Variants in AGPAT3 observed in about 807,000 individuals in gnomAD.
AGPAT3 encodes 1-acyl-sn-glycerol-3-phosphate acyltransferase gamma.
In AGPAT3, 5 loss-of-function variants were observed where a neutral mutation model predicts 47.3. The ratio of observed to expected loss-of-function variants is 0.11; its 90% CI spans 0.06 to 0.22. The LOEUF is 0.22. AGPAT3 is among the 10% of genes least tolerant of loss of function. The probability of loss-of-function intolerance (pLI) is 1.00; values close to 1 mark genes in which losing one functional copy is unlikely to be tolerated. For synonymous variants in AGPAT3, 212 were observed against 208.3 expected (o/e 1.02, Z -0.15); for missense variants, 315 against 493.0 (o/e 0.64, Z 3.42).
intron 8 of AGPAT3, among the ~76,000 whole-genome samples, 173 bp downstream of exon 8, chr21:43,978,294 T>A (rs2089698878): frequency 7.2e-6 from 1 of 139,518 alleles, no homozygotes; most frequent in South Asian, 2.4e-4. Flanking sequence ...TTTGTTTTGT[T>A]TTTGTTTTTG....
At chr21:43,926,520 C>T (rs1029114573) in intron 2 of AGPAT3, among the ~76,000 whole-genome samples, 1 of 151,900 alleles carries the variant, frequency 6.6e-6, no homozygotes, top group Non-Finnish European at 1.5e-5. Context: ...AGGGGCCACG[C>T]GTGCACGAGA....
At chr21:43,961,037 G>A (rs2088807793) in intron 3 of AGPAT3, among the ~76,000 whole-genome samples, 1 of 152,074 alleles carries the variant, frequency 6.6e-6, no homozygotes, top group Non-Finnish European at 1.5e-5. Context: ...CTACTCGGGA[G>A]GCTGAGGCAG....
intron 2 of AGPAT3, among the ~76,000 whole-genome samples, chr21:43,918,129 G>A (rs867521975): frequency 3.4e-4 from 50 of 145,968 alleles, no homozygotes; most frequent in Middle Eastern, 4.3e-3. Flanking sequence ...GTGTTGTGGG[G>A]GTTGTGGGTG....
At position 43,922,869 on chromosome 21, in the gene AGPAT3, C is replaced by T. The variant is rs1259129829; in HGVS notation, c.-49+18850C>T. On this transcript the variant is annotated intron_variant, in intron 2 of 9. Transcript: ENST00000291572. This position sits in a 1 kb window ranked among gnomAD's most constrained non-coding sequence, Gnocchi z 4.9. ...TTTCGCTGTGTGATGTGACTGGCTGCCCAGTGGTGGTGGCAGAGCCAGCCT... is the reference window on the plus strand; with the variant it reads ...TTTCGCTGTGTGATGTGACTGGCTGTCCAGTGGTGGTGGCAGAGCCAGCCT... Among the ~76,000 whole-genome samples the T allele has an allele frequency of 6.6e-6, 1 of 152,168 alleles. No individual in the cohort carries two copies. The highest frequency in any genetic ancestry group is 2.4e-5 in the African/African-American group (1 of 41,446).
chr21:43,906,229 TCAC>T (rs2086489946), intron 2 of AGPAT3, among the ~76,000 whole-genome samples: 1 of 152,082 alleles, frequency 6.6e-6, no homozygotes, highest in African/African-American at 2.4e-5. Context: ...AACTCGATAT[TCAC>T]CAAACCGGGT....
At position 43,934,559 on chromosome 21, in the gene AGPAT3, G is replaced by A. The variant is rs912292239; in HGVS notation, c.-48-25075G>A. The stretch of plus-strand genomic sequence containing the variant: ...AAAAGAACTGTTTCCTTTAGGCCCC[G>A]TGGGGTAACCAGAAGGTAAGACTAG... On this transcript the variant is annotated intron_variant, in intron 2 of 9. Coordinates refer to ENST00000291572, the MANE Select transcript of AGPAT3 (RefSeq NM_020132.5). The surrounding 1 kb of genome is among the most constrained non-coding windows in gnomAD (Gnocchi z 4.7). 6.6e-6 allele frequency among the ~76,000 whole-genome samples: 1 copy of A among 152,332 alleles called. No individual in the cohort carries two copies. The highest frequency in any genetic ancestry group is 2.1e-4 in the South Asian group (1 of 4,824).
At chr21:43,897,996 C>T (rs1052120980) in intron 1 of AGPAT3, among the ~76,000 whole-genome samples, 17 of 152,132 alleles carry the variant, frequency 1.1e-4, no homozygotes, top group South Asian at 2.1e-4. Context: ...TCAGGCATGG[C>T]GGCGCGCGCC....
At chr21:43,873,700 A>G (rs930970404) in intron 1 of AGPAT3, among the ~76,000 whole-genome samples, 2 of 152,208 alleles carry the variant, frequency 1.3e-5, no homozygotes, top group East Asian at 1.9e-4. Flanking sequence ...TTCTTGATAC[A>G]AAGGTCAGAA....
intron 1 of AGPAT3, among the ~76,000 whole-genome samples, chr21:43,894,897 A>G (rs28580399): frequency 0.12 from 17,429 of 151,070 alleles, 2,027 homozygotes; most frequent in African/African-American, 0.3. Context: ...CCTGATTCGC[A>G]CCTCCTCTCT....
At chr21:43,979,825 A>C (rs568456209) in intron 8 of AGPAT3, among the ~76,000 whole-genome samples, 21 of 152,208 alleles carry the variant, frequency 1.4e-4, no homozygotes, top group Non-Finnish European at 2.8e-4. Context: ...CCAGGACACG[A>C]TGACACCTGC....
intron 1 of AGPAT3, among the ~76,000 whole-genome samples, chr21:43,879,805 G>A (rs908534789): frequency 1.3e-5 from 2 of 152,178 alleles, no homozygotes; most frequent in African/African-American, 4.8e-5. Flanking sequence ...TGCAATCAAT[G>A]AGCACCACGT....
intron 7 of AGPAT3, among the ~76,000 whole-genome samples, chr21:43,973,689 G>C (rs2089489167): frequency 6.6e-6 from 1 of 152,266 alleles, no homozygotes; most frequent in African/African-American, 2.4e-5. Context: ...CCGCTTCGCT[G>C]TTTGAGGAGC....
At chr21:43,909,583 A>T (rs193088161) in intron 2 of AGPAT3, among the ~76,000 whole-genome samples, 1 of 152,234 alleles carries the variant, frequency 6.6e-6, no homozygotes. Context: ...GGCATGAGCC[A>T]CTGTACCCGG....
At chr21:43,973,127 A>G (rs528610247) in intron 7 of AGPAT3, among the ~76,000 whole-genome samples, 5 of 152,176 alleles carry the variant, frequency 3.3e-5, no homozygotes, top group African/African-American at 9.6e-5. Flanking sequence ...GCTAGGTAAC[A>G]CTCCTTTCTG....
At position 43,982,897 on chromosome 21, in the gene AGPAT3, C is replaced by A. The variant is rs537641769; in HGVS notation, c.*505C>A. The A allele has an allele frequency of 1.2e-3, 192 of 155,342 alleles. 2 individuals carry two copies. Among genetic ancestry groups the A allele is most frequent in the Non-Finnish European group, 5.8e-4 (41 of 70,380 alleles). The allele number at this position is 155,342 out of a possible 1,614,324, so 9.6% of individuals were successfully genotyped here. On this transcript the variant is annotated 3_prime_UTR_variant, in exon 10 of 10. Coordinates refer to ENST00000291572, the MANE Select transcript of AGPAT3 (RefSeq NM_020132.5). The surrounding 1 kb of genome is among the most constrained non-coding windows in gnomAD (Gnocchi z 6.2). ...CAGCACCTTGGCTCCCAGTGGGGGC[C>A]CCGTGGAGGGCGCCCGTAGTGATAA...
chr21:43,890,272 G>A (rs148755771), intron 1 of AGPAT3, among the ~76,000 whole-genome samples: 5 of 152,228 alleles, frequency 3.3e-5, no homozygotes, highest in Admixed American at 1.3e-4. Context: ...CTGTGAGACC[G>A]CGCGTCTGCT....
chr21:43,973,303 C>T (rs934874736), intron 7 of AGPAT3, among the ~76,000 whole-genome samples: 4 of 152,214 alleles, frequency 2.6e-5, no homozygotes, highest in Non-Finnish European at 4.4e-5. Context: ...GGGCCCTGGA[C>T]GGTCCAGATG....
At chr21:43,890,864 AG>A (rs1217645851) in intron 1 of AGPAT3, among the ~76,000 whole-genome samples, 3 of 152,060 alleles carry the variant, frequency 2.0e-5, no homozygotes, top group Non-Finnish European at 4.4e-5. Flanking sequence ...CAGCCTCCTG[AG>A]TAGCTGGGAC....
chr21:43,955,021 G>A lies in AGPAT3; in HGVS notation c.-48-4613G>A, dbSNP rs2088374927. ...GGGAAGCTGCATCCACACAGAGGCTGGGACGTGAATGTGCATCACGGCTCT... is the reference window on the plus strand; with the variant it reads ...GGGAAGCTGCATCCACACAGAGGCTAGGACGTGAATGTGCATCACGGCTCT... On this transcript the variant is annotated intron_variant, in intron 2 of 9. Transcript: ENST00000291572. This position sits in a 1 kb window ranked among gnomAD's most constrained non-coding sequence, Gnocchi z 4.1. The A allele has an allele frequency of 3.4e-6, 4 of 1,166,352 alleles. No homozygotes were observed. In the African/African-American group the frequency reaches 4.9e-5, roughly 14 times the overall value. 72.3% of individuals were successfully genotyped at this position (1,166,352 alleles called of 1,614,324 possible). A position where few individuals can be genotyped will look rare whatever the true frequency, so the allele number is the denominator to read the frequency against.
Sources: gnomAD v4.1 joint callset for allele counts (sites outside exome capture counted in the v4.1 genomes callset) on GRCh38, gnomAD v4.1.1 for gene constraint, Gnocchi (gnomAD v3.1) non-coding constraint, MANE v1.5 for transcripts, NCBI Gene and HGNC (gene_info 2026-07-23, HGNC 2026-07-21) for gene names.